Variants in CCL17 observed in about 807,000 individuals in gnomAD.
The protein encoded by CCL17 is C-C motif chemokine ligand 17.
Under a neutral mutation model 7.4 loss-of-function variants are expected in CCL17, and 8 were observed. The ratio of observed to expected loss-of-function variants is 1.09; its 90% CI spans 0.64 to 1.96. The LOEUF (loss-of-function observed/expected upper bound fraction) is 1.96, where lower values mean the gene tolerates loss of function less well. CCL17 is among the 30% of genes most tolerant of loss of function. CCL17 has a pLI of 0.00. For missense variants in CCL17, 102 were observed against 113.0 expected (o/e 0.90, Z 0.44); for synonymous variants, 40 against 46.1 (o/e 0.87, Z 0.54).
intron 1 of CCL17, among the ~76,000 whole-genome samples, chr16:57,409,091 A>G (rs552129856): frequency 1.3e-5 from 2 of 152,342 alleles, no homozygotes; most frequent in African/African-American, 4.8e-5. Context: ...TCCTTCAAGG[A>G]TTTTACAGTC....
chr16:57,396,362 TA>T, the CCL17 span, among the ~76,000 whole-genome samples: 4 of 152,162 alleles, frequency 2.6e-5, no homozygotes, highest in African/African-American at 9.7e-5. Flanking sequence ...TTGTGTATGT[TA>T]AAAAGGTGTG....
chr16:57,416,028 G>C lies in CCL17; in HGVS notation c.*167G>C. The C allele has an allele frequency of 1.7e-6, 1 of 590,380 alleles. No individual in the cohort carries two copies. Among genetic ancestry groups the C allele is most frequent in the Non-Finnish European group, 3.0e-6 (1 of 328,048 alleles). 36.6% of individuals were successfully genotyped at this position (590,380 alleles called of 1,614,324 possible). A position where few individuals can be genotyped will look rare whatever the true frequency, so the allele number is the denominator to read the frequency against. On this transcript the variant is annotated 3_prime_UTR_variant, in exon 4 of 4. Coordinates refer to ENST00000219244, the MANE Select transcript of CCL17 (RefSeq NM_002987.3). ...ATCCCCTTGTCTGAACTGGAGCCAT[G>C]GGCACAAAGGGCCCAGATTAAAGTC...
intron 1 of CCL17, among the ~76,000 whole-genome samples, chr16:57,405,609 CT>C (rs1164588347): frequency 1.3e-5 from 2 of 152,182 alleles, no homozygotes; most frequent in Non-Finnish European, 2.9e-5. Flanking sequence ...GGGGACAGAA[CT>C]GCACAGAGCT....
Position 57,408,671 on chromosome 16 carries a change from C to T in CCL17, c.-60+3835C>T, listed in dbSNP as rs139819588. Among the ~76,000 whole-genome samples, 597 of 152,026 alleles carry T rather than the reference C, an allele frequency of 3.9e-3. 9 individuals are homozygous for T. Among genetic ancestry groups the T allele is most frequent in the African/African-American group, 0.013 (546 of 41,458 alleles). On this transcript the variant is annotated intron_variant, in intron 1 of 3. Coordinates refer to ENST00000219244, the MANE Select transcript of CCL17 (RefSeq NM_002987.3). ...GCAATCTCCACCTCCCGGGTTCAAG[C>T]GATTCTCCTGCCTCAGCCTCCCGAG...
chr16:57,412,508 G>A (rs1456252502), intron 1 of CCL17, among the ~76,000 whole-genome samples: 4 of 152,206 alleles, frequency 2.6e-5, no homozygotes, highest in African/African-American at 7.2e-5. Flanking sequence ...GACAAATAGC[G>A]GCTGTTGCAG....
chr16:57,403,661 T>TA (rs1902653140), upstream of CCL17, among the ~76,000 whole-genome samples: 2 of 89,748 alleles, frequency 2.2e-5, no homozygotes, highest in African/African-American at 9.5e-5. Context: ...AATATATATA[T>TA]ATATATATTT....
Position 57,415,232 on chromosome 16 carries a change from G to T in CCL17, c.188+34G>T, listed in dbSNP as rs774663232. 2.2e-5 allele frequency: 31 copies of T among 1,393,528 alleles called. No individual in the cohort carries two copies. In the South Asian group the frequency reaches 3.0e-4, roughly 13 times the overall value. The allele number at this position is 1,393,528 out of a possible 1,614,324, so 86.3% of individuals were successfully genotyped here. On this transcript the variant is annotated intron_variant, in intron 3 of 3. Transcript: ENST00000219244. The surrounding 1 kb of genome is among the most constrained non-coding windows in gnomAD (Gnocchi z 4.5). ...CCCTGGCTCCACCCCTGCTCCTCAGGGCCAAGCATGGGGACAAGTGCACCC... is the reference window on the plus strand; with the variant it reads ...CCCTGGCTCCACCCCTGCTCCTCAGTGCCAAGCATGGGGACAAGTGCACCC...
At chr16:57,402,715 A>T (rs1210790214), upstream of CCL17, among the ~76,000 whole-genome samples, 1 of 152,198 alleles carries the variant, frequency 6.6e-6, no homozygotes, top group African/African-American at 2.4e-5. Flanking sequence ...CCTGGAGCCC[A>T]GGCATCAGAG....
upstream of CCL17, among the ~76,000 whole-genome samples, chr16:57,402,250 G>A (rs1047500421): frequency 6.7e-6 from 1 of 150,010 alleles, no homozygotes; most frequent in Non-Finnish European, 1.5e-5. Flanking sequence ...ATTGTGCGAC[G>A]TGTCAAATCT....
upstream of CCL17, among the ~76,000 whole-genome samples, chr16:57,403,455 TA>T (rs1278440419): frequency 1.2e-3 from 8 of 6,828 alleles, 1 homozygote; most frequent in African/African-American, 4.1e-3. Context: ...TATTATATTA[TA>T]ATATATATTA....
chr16:57,399,301 A>G, the CCL17 span, among the ~76,000 whole-genome samples: 1 of 152,150 alleles, frequency 6.6e-6, no homozygotes, highest in African/African-American at 2.4e-5. Flanking sequence ...TCCCATCCAC[A>G]TGGCTGGGGC....
upstream of CCL17, among the ~76,000 whole-genome samples, chr16:57,403,421 TTATAATA>T (rs1363221970): frequency 1.3e-4 from 2 of 15,876 alleles, no homozygotes; most frequent in African/African-American, 6.4e-4. Context: ...ATATATTATA[TTATAATA>T]TATATTATAA....
upstream of CCL17, among the ~76,000 whole-genome samples, chr16:57,403,550 TTTATATATATATA>T (rs1902642973): frequency 8.4e-5 from 3 of 35,590 alleles, no homozygotes; most frequent in African/African-American, 4.3e-4. Context: ...AAATATATAT[TTTATATATATATA>T]ATATATATTT....
At chr16:57,414,542 C>A (rs1902837117) in intron 2 of CCL17, among the ~76,000 whole-genome samples, 1 of 150,586 alleles carries the variant, frequency 6.6e-6, no homozygotes, top group African/African-American at 2.4e-5. Context: ...CCTCAGCCTC[C>A]CGAGTAGCTG....
At chr16:57,412,704 G>A (rs1902803623) in intron 1 of CCL17, among the ~76,000 whole-genome samples, 2 of 152,152 alleles carry the variant, frequency 1.3e-5, no homozygotes, top group African/African-American at 4.8e-5. Context: ...CAGAGTCCAG[G>A]TGCTGCCCTG....
chr16:57,404,321 G>C (rs912159560), upstream of CCL17, among the ~76,000 whole-genome samples: 1 of 152,178 alleles, frequency 6.6e-6, no homozygotes, highest in Admixed American at 6.5e-5. Flanking sequence ...AGAGCACCCA[G>C]AAGGCAGTTG....
intron 1 of CCL17, among the ~76,000 whole-genome samples, chr16:57,409,827 G>A (rs755578134): frequency 1.4e-4 from 21 of 152,198 alleles, no homozygotes; most frequent in South Asian, 2.1e-4. Context: ...GGGGTCAGGG[G>A]TGGAAATACT....
intron 1 of CCL17, among the ~76,000 whole-genome samples, chr16:57,412,128 C>T (rs545991854): frequency 2.0e-5 from 3 of 152,300 alleles, no homozygotes; most frequent in Admixed American, 6.5e-5. Flanking sequence ...TGAGATCTAC[C>T]GTTTTGGCAG....
chr16:57,396,491 A>G, the CCL17 span, among the ~76,000 whole-genome samples: 1 of 152,110 alleles, frequency 6.6e-6, no homozygotes, highest in African/African-American at 2.4e-5. Flanking sequence ...CTATTTTACC[A>G]TTGGAGAAAA....
Sources: allele counts gnomAD v4.1 joint callset (sites outside exome capture counted in the v4.1 genomes callset), GRCh38; gene constraint gnomAD v4.1.1; non-coding constraint Gnocchi (gnomAD v3.1); transcripts MANE v1.5; gene names NCBI Gene and HGNC (gene_info 2026-07-23, HGNC 2026-07-21).